The following IPCEF1 variants were observed in gnomAD, a reference collection of about 807,000 sequenced individuals.
IPCEF1 encodes interaction protein for cytohesin exchange factors 1.
IPCEF1 carries 31 observed loss-of-function variants against 50.9 expected under a neutral mutation model. That is an observed-to-expected ratio of 0.61 (90% confidence interval 0.46 to 0.82). The LOEUF (loss-of-function observed/expected upper bound fraction) is 0.82. Ranked by LOEUF, IPCEF1 falls within the 40% of genes least tolerant of loss-of-function variation. The probability of loss-of-function intolerance (pLI) is 0.00; values close to 1 mark genes in which losing one functional copy is unlikely to be tolerated. For missense variants in IPCEF1, 458 were observed against 514.0 expected, an observed-to-expected ratio of 0.89 and a Z score of 1.05; for synonymous variants, 181 against 192.0, an observed-to-expected ratio of 0.94 and a Z score of 0.47.
intron 5 of IPCEF1, among the ~76,000 whole-genome samples, chr6:154,245,156 G>A (rs770055218): frequency 3.3e-5 from 5 of 152,288 alleles, no homozygotes; most frequent in African/African-American, 7.2e-5. Context: ...TAGACAAGAT[G>A]AAGAATGTAT....
At chr6:154,274,140 T>C (rs1356930939) in intron 2 of IPCEF1, among the ~76,000 whole-genome samples, 1 of 152,116 alleles carries the variant, frequency 6.6e-6, no homozygotes, top group Non-Finnish European at 1.5e-5. Flanking sequence ...ATTCTTTCTC[T>C]TTCGGTTATC....
At chr6:154,306,183 T>C (rs913954575) in intron 1 of IPCEF1, among the ~76,000 whole-genome samples, 1 of 152,130 alleles carries the variant, frequency 6.6e-6, no homozygotes, top group Non-Finnish European at 1.5e-5. Context: ...TACATTAACC[T>C]CATCAGTGCT....
intron 3 of IPCEF1, among the ~76,000 whole-genome samples, chr6:154,263,475 T>A (rs1781658730): frequency 8.0e-6 from 1 of 124,802 alleles, no homozygotes; most frequent in Non-Finnish European, 1.7e-5. Flanking sequence ...TTCAAGCATC[T>A]GTTTAACAAA....
At chr6:154,185,110 TA>T (rs1801220573) in intron 10 of IPCEF1, among the ~76,000 whole-genome samples, 1 of 152,156 alleles carries the variant, frequency 6.6e-6, no homozygotes, top group African/African-American at 2.4e-5. Context: ...CCATTGGTGA[TA>T]AAGAAACATA....
At chr6:154,321,738 C>G (rs1783381546) in intron 1 of IPCEF1, among the ~76,000 whole-genome samples, 1 of 140,232 alleles carries the variant, frequency 7.1e-6, no homozygotes, top group African/African-American at 2.7e-5. Flanking sequence ...CAAGATCGCA[C>G]CATTGCATTT....
chr6:154,209,686 A>G (rs1168036037), intron 9 of IPCEF1, among the ~76,000 whole-genome samples: 1 of 150,622 alleles, frequency 6.6e-6, no homozygotes, highest in Non-Finnish European at 1.5e-5. Context: ...TTTTTATTTC[A>G]TCTGTTTAAA....
rs1359244671 is a variant in IPCEF1, at chr6:154,247,441, C to T, written c.76+8G>A. On this transcript the variant is annotated splice_region_variant and intron_variant, in intron 4 of 11. Coordinates refer to ENST00000367220, the MANE Select transcript of IPCEF1 (RefSeq NM_001130700.2). ...ATGGAGATAAAGAAACAAAAGAGAT[C>T]TAATTACCTTGAGTTTTCCTCCTGG... The T allele has an allele frequency of 2.5e-6, 4 of 1,610,610 alleles. No homozygotes were observed. The highest frequency in any genetic ancestry group is 1.1e-5 in the South Asian group (1 of 90,846).
At chr6:154,255,862 T>A (rs1390974578) in intron 3 of IPCEF1, among the ~76,000 whole-genome samples, 6 of 152,210 alleles carry the variant, frequency 3.9e-5, no homozygotes, top group Admixed American at 2.0e-4. Context: ...ATAAATTTTT[T>A]AAAAACCAAC....
At chr6:154,183,902 AC>A (rs1801112814) in intron 10 of IPCEF1, among the ~76,000 whole-genome samples, 1 of 152,092 alleles carries the variant, frequency 6.6e-6, no homozygotes, top group Admixed American at 6.5e-5. Flanking sequence ...AAACAAACAA[AC>A]AAAAAAAACA....
chr6:154,315,288 A>G (rs1359937907), intron 1 of IPCEF1, among the ~76,000 whole-genome samples: 1 of 152,216 alleles, frequency 6.6e-6, no homozygotes, highest in Non-Finnish European at 1.5e-5. Flanking sequence ...TAAGCACTTA[A>G]TCATCTTGGT....
chr6:154,172,169 C>A (rs1470249651), intron 10 of IPCEF1, among the ~76,000 whole-genome samples: 1 of 152,194 alleles, frequency 6.6e-6, no homozygotes, highest in Non-Finnish European at 1.5e-5. Flanking sequence ...ATTATCATTG[C>A]TTCCAAGATA....
chr6:154,251,437 C>T (rs908912377), intron 3 of IPCEF1, among the ~76,000 whole-genome samples: 1 of 152,150 alleles, frequency 6.6e-6, no homozygotes, highest in Non-Finnish European at 1.5e-5. Context: ...GCTTAATAAT[C>T]ATATCATGCT....
intron 2 of IPCEF1, among the ~76,000 whole-genome samples, chr6:154,266,684 T>G (rs1459861197): frequency 6.6e-6 from 1 of 151,692 alleles, no homozygotes; most frequent in African/African-American, 2.4e-5. Context: ...ATCACTATTA[T>G]CCAACTTTGA....
At chr6:154,206,103 A>T (rs1777473345) in intron 9 of IPCEF1, among the ~76,000 whole-genome samples, 1 of 152,184 alleles carries the variant, frequency 6.6e-6, no homozygotes, top group Non-Finnish European at 1.5e-5. Flanking sequence ...CACATGGTAA[A>T]TACACAAAAA....
chr6:154,291,840 A>C (rs1446239089), intron 1 of IPCEF1, among the ~76,000 whole-genome samples: 1 of 151,926 alleles, frequency 6.6e-6, no homozygotes, highest in Non-Finnish European at 1.5e-5. Context: ...GCCCACCACC[A>C]CGCCCGGCTA....
chr6:154,209,794 C>G (rs759601805), intron 9 of IPCEF1, among the ~76,000 whole-genome samples: 1 of 151,812 alleles, frequency 6.6e-6, no homozygotes, highest in Non-Finnish European at 1.5e-5. Flanking sequence ...AATATGTGAT[C>G]AGGAGGAACA....
chr6:154,251,633 G>A (rs1781338242), intron 3 of IPCEF1, among the ~76,000 whole-genome samples: 1 of 152,178 alleles, frequency 6.6e-6, no homozygotes, highest in Non-Finnish European at 1.5e-5. Context: ...GGTATTTCAA[G>A]AATAAAACTC....
intron 1 of IPCEF1, among the ~76,000 whole-genome samples, chr6:154,325,500 C>T (rs1783497482): frequency 6.6e-6 from 1 of 152,150 alleles, no homozygotes; most frequent in Non-Finnish European, 1.5e-5. Context: ...TCTGTACTGT[C>T]TTTCCAATTA....
At chr6:154,174,101 C>T (rs1800099096) in intron 10 of IPCEF1, among the ~76,000 whole-genome samples, 1 of 152,082 alleles carries the variant, frequency 6.6e-6, no homozygotes, top group Non-Finnish European at 1.5e-5. Context: ...GAAATAAAGT[C>T]CTTTACAGAC....
Sources: allele counts gnomAD v4.1 joint callset (sites outside exome capture counted in the v4.1 genomes callset), GRCh38; gene constraint gnomAD v4.1.1; transcripts MANE v1.5; gene names NCBI Gene and HGNC (gene_info 2026-07-23, HGNC 2026-07-21).